The following TAF5L variants were observed in gnomAD, a reference collection of about 807,000 sequenced individuals.
TAF5L encodes the protein TATA-box binding protein associated factor 5 like, also known as TAF5-like RNA polymerase II p300/CBP-associated factor-associated factor 65 kDa subunit 5L.
A neutral mutation model predicts 51.3 loss-of-function variants in TAF5L; 7 were observed. The ratio of observed to expected loss-of-function variants is 0.14; its 90% CI spans 0.08 to 0.26. The LOEUF (loss-of-function observed/expected upper bound fraction) is 0.26. TAF5L is among the 10% of genes least tolerant of loss of function. The pLI is 1.00. For missense variants in TAF5L, 575 were observed against 758.9 expected, an observed-to-expected ratio of 0.76 and a Z score of 2.85; for synonymous variants, 291 against 308.1, an observed-to-expected ratio of 0.94 and a Z score of 0.58.
intron 3 of TAF5L, 141 bp downstream of exon 3, chr1:229,609,965 G>A: frequency 1.5e-6 from 1 of 650,838 alleles, no homozygotes; most frequent in Non-Finnish European, 2.7e-6. Flanking sequence ...GGTTCTGAGG[G>A]AAATCTGCAT....
At chr1:229,612,671 A>G (rs1664830306) in intron 2 of TAF5L, among the ~76,000 whole-genome samples, 1 of 152,144 alleles carries the variant, frequency 6.6e-6, no homozygotes, top group Non-Finnish European at 1.5e-5. Flanking sequence ...CTCCTTTGAG[A>G]GCATCCTCAG....
At chr1:229,616,773 GTATA>G (rs1382887248) in intron 1 of TAF5L, among the ~76,000 whole-genome samples, 1 of 152,032 alleles carries the variant, frequency 6.6e-6, no homozygotes, top group Non-Finnish European at 1.5e-5. Flanking sequence ...ATACTCACAA[GTATA>G]TATACATGTA....
At chr1:229,595,065 C>T in exon 5 of TAF5L, 1 of 1,606,946 alleles carries the variant, frequency 6.2e-7, no homozygotes, top group Non-Finnish European at 8.5e-7. Flanking sequence ...GTATCTTCAT[C>T]TCCGTGCCTG....
rs769743682 is a variant in TAF5L at position 229,602,651 on chromosome 1, G to A, written c.516C>T (p.Tyr172=). ...TTTGGAGGTAGCGGATAAGGTAGTT[G>A]TAGCTGTCTTCTTGGAGACGGACCA... Residue 172 remains tyrosine (Y), a synonymous_variant, in exon 4 of 5, where the codon TAC becomes TAT. Coordinates refer to ENST00000258281, the Ensembl canonical transcript of TAF5L. The surrounding 1 kb of genome is among the most constrained non-coding windows in gnomAD (Gnocchi z 4.6). The A allele has an allele frequency of 6.2e-7, 1 of 1,614,212 alleles. No individual in the cohort carries two copies. The highest frequency in any genetic ancestry group is 8.5e-7 in the Non-Finnish European group (1 of 1,180,034).
intron 1 of TAF5L, among the ~76,000 whole-genome samples, chr1:229,623,447 C>G (rs900588370): frequency 6.6e-6 from 1 of 152,212 alleles, no homozygotes; most frequent in South Asian, 2.1e-4. Context: ...TCCACCTTCT[C>G]CCCTCAGGGG....
chr1:229,615,377 G>A (rs561900295), intron 1 of TAF5L, among the ~76,000 whole-genome samples: 1 of 152,102 alleles, frequency 6.6e-6, no homozygotes, highest in South Asian at 2.1e-4. Context: ...GTGAGCCACC[G>A]CGCCTGGCCG....
chr1:229,604,371 C>A (rs2102748390), intron 3 of TAF5L, among the ~76,000 whole-genome samples: 1 of 152,036 alleles, frequency 6.6e-6, no homozygotes, highest in Admixed American at 6.6e-5. Context: ...TAAATGTATC[C>A]CTACTCATTA....
At chr1:229,613,021 T>C (rs1028924683) in intron 2 of TAF5L, among the ~76,000 whole-genome samples, 7 of 151,986 alleles carry the variant, frequency 4.6e-5, no homozygotes, top group Admixed American at 1.3e-4. Flanking sequence ...GTAAATAAGT[T>C]CAGTAAAAGA....
chr1:229,619,281 G>C (rs1665120104), intron 1 of TAF5L, among the ~76,000 whole-genome samples: 1 of 152,132 alleles, frequency 6.6e-6, no homozygotes, highest in Non-Finnish European at 1.5e-5. Flanking sequence ...ACTACTTTCA[G>C]TTTCAGTCAT....
intron 2 of TAF5L, among the ~76,000 whole-genome samples, chr1:229,611,364 G>A (rs16850009): frequency 0.14 from 20,564 of 152,114 alleles, 2,129 homozygotes; most frequent in East Asian, 0.42. Flanking sequence ...AAAACCAAGG[G>A]AAGCCACCTT....
chr1:229,606,069 G>GA, intron 3 of TAF5L: 6 of 903,082 alleles, frequency 6.6e-6, no homozygotes, highest in African/African-American at 1.8e-5. Flanking sequence ...AGTAAGTTTA[G>GA]AAAAAAACCT....
Position 229,594,001 on chromosome 1 carries a change from A to T in TAF5L, c.*296T>A, listed in dbSNP as rs1174629666. 1 of 294,874 alleles carries T rather than the reference A, an allele frequency of 3.4e-6. No homozygotes were observed. Among genetic ancestry groups the T allele is most frequent in the Non-Finnish European group, 6.5e-6 (1 of 154,534 alleles). 18.3% of individuals were successfully genotyped at this position (294,874 alleles called of 1,614,324 possible). On this transcript the variant is annotated 3_prime_UTR_variant, in exon 5 of 5. Transcript: ENST00000258281. This position sits in a 1 kb window ranked among gnomAD's most constrained non-coding sequence, Gnocchi z 7.9. ...CCCAGTCAGATGGTGAAAATGAGAG[A>T]CAGGAAGGTGCTCGCATGCGCGAGG...
rs770362611 is a variant in TAF5L, at chr1:229,614,245, G to A, written c.142+96C>T. The A allele has an allele frequency of 5.0e-6, 8 of 1,605,432 alleles. No individual in the cohort carries two copies. The Admixed American group carries it at 6.7e-5, about 13-fold the overall frequency. ...GTTTTTGGTCAGTCTGCTCTCTCTGGCACTGTCTTGAGAAGAGGAGAAGTA... is the reference window on the plus strand; with the variant it reads ...GTTTTTGGTCAGTCTGCTCTCTCTGACACTGTCTTGAGAAGAGGAGAAGTA... On this transcript the variant is annotated intron_variant, in intron 2 of 4. Coordinates refer to ENST00000258281, the Ensembl canonical transcript of TAF5L.
intron 3 of TAF5L, 121 bp downstream of exon 3, chr1:229,609,985 T>C (rs1190336421): frequency 1.3e-6 from 1 of 756,742 alleles, no homozygotes; most frequent in Non-Finnish European, 2.1e-6. Flanking sequence ...TTACTCTATT[T>C]TTTAATTTTT....
intron 4 of TAF5L, chr1:229,601,771 T>G (rs1664383839): frequency 9.9e-7 from 1 of 1,014,976 alleles, no homozygotes; most frequent in Non-Finnish European, 1.2e-6. Flanking sequence ...GGCACAACCT[T>G]CTGTGGGGAA....
intron 4 of TAF5L, chr1:229,599,144 G>T: frequency 1.7e-6 from 1 of 592,490 alleles, no homozygotes; most frequent in Non-Finnish European, 2.1e-6. Context: ...CCTTTCCAAA[G>T]GTTAACCTAG....
At chr1:229,598,308 C>A (rs758315227) in intron 4 of TAF5L, among the ~76,000 whole-genome samples, 2 of 152,052 alleles carry the variant, frequency 1.3e-5, no homozygotes, top group African/African-American at 2.4e-5. Context: ...AAATTTTTAA[C>A]CTTTTTAGAT....
chr1:229,605,508 A>T (rs1664560791), intron 3 of TAF5L, among the ~76,000 whole-genome samples: 1 of 152,214 alleles, frequency 6.6e-6, no homozygotes, highest in Non-Finnish European at 1.5e-5. Context: ...TGCCAAGTTA[A>T]TAAGGAGTGG....
chr1:229,609,645 A>G (rs1194579785), intron 3 of TAF5L, among the ~76,000 whole-genome samples: 1 of 152,234 alleles, frequency 6.6e-6, no homozygotes, highest in Non-Finnish European at 1.5e-5. Context: ...TTTTGGAAAT[A>G]CGGGGCAAAG....
Sources: gnomAD v4.1 joint callset for allele counts (sites outside exome capture counted in the v4.1 genomes callset) on GRCh38, gnomAD v4.1.1 for gene constraint, Gnocchi (gnomAD v3.1) non-coding constraint, MANE v1.5 for transcripts, NCBI Gene and HGNC (gene_info 2026-07-23, HGNC 2026-07-21) for gene names.